MCUB: variants seen among roughly 807,000 people sequenced by gnomAD.
The protein encoded by MCUB is mitochondrial calcium uniporter dominant negative subunit beta, also known as calcium uniporter regulatory subunit MCUb, mitochondrial.
A neutral mutation model predicts 41.4 loss-of-function variants in MCUB; 46 were observed. The ratio of observed to expected loss-of-function variants is 1.11; its 90% CI spans 0.88 to 1.42. MCUB has a LOEUF of 1.42. MCUB is among the 40% of genes most tolerant of loss of function. MCUB has a pLI of 0.00. For synonymous variants in MCUB, 148 were observed against 148.2 expected, an observed-to-expected ratio of 1.00 and a Z score of 0.01; for missense variants, 403 against 404.9, an observed-to-expected ratio of 1.00 and a Z score of 0.04.
intron 1 of MCUB, among the ~76,000 whole-genome samples, chr4:109,638,318 G>A (rs1728638702): frequency 6.6e-6 from 1 of 151,656 alleles, no homozygotes; most frequent in South Asian, 2.1e-4. Context: ...GATCATGCCA[G>A]TGCACTCCAG....
At chr4:109,681,434 G>A (rs989950677) in intron 4 of MCUB, 3 of 453,162 alleles carry the variant, frequency 6.6e-6, no homozygotes, top group Non-Finnish European at 1.3e-5. Flanking sequence ...CTTTCTGGTA[G>A]AGAGTGTTAC....
chr4:109,651,536 G>A (rs1285055235), intron 1 of MCUB, among the ~76,000 whole-genome samples: 1 of 152,084 alleles, frequency 6.6e-6, no homozygotes, highest in Non-Finnish European at 1.5e-5. Flanking sequence ...ATGTCAGTAT[G>A]AAAACATAAA....
intron 1 of MCUB, among the ~76,000 whole-genome samples, chr4:109,605,645 T>C (rs1013797054): frequency 2.6e-5 from 4 of 152,218 alleles, no homozygotes; most frequent in African/African-American, 9.7e-5. Context: ...CTCCAGCTAT[T>C]ATTGTTTTGG....
At chr4:109,654,132 G>C (rs1037926192) in intron 1 of MCUB, among the ~76,000 whole-genome samples, 1 of 151,012 alleles carries the variant, frequency 6.6e-6, no homozygotes, top group Non-Finnish European at 1.5e-5. Context: ...TTTTTTCTTA[G>C]CATTTAATTC....
chr4:109,668,960 G>A (rs1561247931), intron 4 of MCUB, among the ~76,000 whole-genome samples: 2 of 151,706 alleles, frequency 1.3e-5, no homozygotes, highest in South Asian at 2.1e-4. Context: ...CTTGTCTCAC[G>A]GCTGTCATTC....
At chr4:109,580,330 C>T (rs560766334) in intron 1 of MCUB, among the ~76,000 whole-genome samples, 8 of 152,286 alleles carry the variant, frequency 5.3e-5, no homozygotes, top group Admixed American at 2.0e-4. Flanking sequence ...AATAGTGCCA[C>T]AATAAACATA....
chr4:109,682,466 T>G (rs1729739668), intron 4 of MCUB, 116 bp from the exon 5 acceptor site: 1 of 807,180 alleles, frequency 1.2e-6, no homozygotes, highest in South Asian at 1.7e-5. Flanking sequence ...TACACCAGCT[T>G]CCTTACCCTG....
At chr4:109,610,312 T>G (rs570418084) in intron 1 of MCUB, among the ~76,000 whole-genome samples, 1 of 152,188 alleles carries the variant, frequency 6.6e-6, no homozygotes, top group Non-Finnish European at 1.5e-5. Context: ...TATAAAGGTG[T>G]CTTTTTTGTG....
chr4:109,684,616 C>A lies in MCUB; in HGVS notation c.786C>A (p.Val262=), dbSNP rs779090173. 3 of 1,561,256 alleles carry A rather than the reference C, an allele frequency of 1.9e-6. No homozygotes were observed. Among genetic ancestry groups the A allele is most frequent in the South Asian group, 2.2e-5 (2 of 89,902 alleles). The change falls in exon 6 of 8, where the codon GTC becomes GTA. Residue 262 remains valine, a synonymous_variant. Transcript: ENST00000394650. ...TCATCACATTTGCAAATTCTATGGT[C>A]TTTTTTGCATACTTTATAGTCACTC... The part of the protein sequence containing the change: ...TYFITFANSM[V]FFAYFIVTRQ...
At chr4:109,574,928 A>G (rs1726993746) in intron 1 of MCUB, among the ~76,000 whole-genome samples, 1 of 152,216 alleles carries the variant, frequency 6.6e-6, no homozygotes, top group South Asian at 2.1e-4. Flanking sequence ...ACAGAGATCC[A>G]AAAAAAGTAT....
chr4:109,648,256 G>A (rs1429441691), intron 1 of MCUB, among the ~76,000 whole-genome samples: 2 of 152,108 alleles, frequency 1.3e-5, no homozygotes, highest in Non-Finnish European at 2.9e-5. Flanking sequence ...CATTTATACA[G>A]GAATATAATT....
chr4:109,571,019 G>T (rs1485818803), intron 1 of MCUB, among the ~76,000 whole-genome samples: 2 of 152,164 alleles, frequency 1.3e-5, no homozygotes, highest in African/African-American at 4.8e-5. Context: ...GTAGTGAGTT[G>T]CATTTCCTAT....
chr4:109,638,094 G>C (rs1233307436), intron 1 of MCUB, among the ~76,000 whole-genome samples: 1 of 152,186 alleles, frequency 6.6e-6, no homozygotes, highest in East Asian at 1.9e-4. Context: ...GGTGGCTCAT[G>C]CCTGTAATCC....
intron 1 of MCUB, among the ~76,000 whole-genome samples, chr4:109,560,722 C>T (rs1424629143): frequency 6.6e-6 from 1 of 152,150 alleles, no homozygotes; most frequent in East Asian, 1.9e-4. Flanking sequence ...GACCACCAGA[C>T]TTCGGCCTGG....
intron 1 of MCUB, among the ~76,000 whole-genome samples, chr4:109,592,694 T>A: frequency 6.6e-6 from 1 of 152,228 alleles, no homozygotes. Context: ...GTAAATCTAC[T>A]CTAGTTCCAT....
chr4:109,617,641 A>G (rs1454691623), intron 1 of MCUB, among the ~76,000 whole-genome samples: 1 of 152,176 alleles, frequency 6.6e-6, no homozygotes, highest in Non-Finnish European at 1.5e-5. Flanking sequence ...ATTTTCTTGA[A>G]AGCAATTGTA....
chr4:109,615,129 C>T (rs1216192559), intron 1 of MCUB, among the ~76,000 whole-genome samples: 1 of 152,160 alleles, frequency 6.6e-6, no homozygotes, highest in Non-Finnish European at 1.5e-5. Flanking sequence ...CCTCTTTTCC[C>T]CCTGGAAGGA....
Position 109,599,661 on chromosome 4 carries a change from A to G in MCUB, c.99+39225A>G, listed in dbSNP as rs541328683. On this transcript the variant is annotated intron_variant, in intron 1 of 7. Transcript: ENST00000394650. ...CAAACGTATACCTTTTATTAAAATC[A>G]TGTTAATATTTATTTATTTATTTTT... 3.0e-3 allele frequency among the ~76,000 whole-genome samples: 457 copies of G among 151,038 alleles called. 2 individuals are homozygous for G. Among genetic ancestry groups the G allele is most frequent in the African/African-American group, 0.011 (435 of 40,720 alleles).
intron 1 of MCUB, among the ~76,000 whole-genome samples, chr4:109,579,909 G>C (rs1727129529): frequency 6.6e-6 from 1 of 152,144 alleles, no homozygotes. Context: ...TATACTTTAA[G>C]TTCTAGGGTA....
Sources: allele counts gnomAD v4.1 joint callset (sites outside exome capture counted in the v4.1 genomes callset), GRCh38; gene constraint gnomAD v4.1.1; transcripts MANE v1.5; gene names NCBI Gene and HGNC (gene_info 2026-07-23, HGNC 2026-07-21).